APBB2: variants seen among roughly 807,000 people sequenced by gnomAD.
The protein encoded by APBB2 is Fe65-like 1.
A neutral mutation model predicts 82.5 loss-of-function variants in APBB2; 38 were observed. The observed-to-expected ratio is 0.46, with a 90% CI of 0.36 to 0.60. The LOEUF is 0.60. Among genes scored for constraint, APBB2 ranks in the 20% least tolerant of loss-of-function variants. APBB2 has a pLI of 0.00. For synonymous variants in APBB2, 341 were observed against 368.2 expected (o/e 0.93, Z 0.85); for missense variants, 772 against 972.3 (o/e 0.79, Z 2.74).
At chr4:40,824,194 CT>C (rs1749058944) in intron 15 of APBB2, among the ~76,000 whole-genome samples, 1 of 152,008 alleles carries the variant, frequency 6.6e-6, no homozygotes, top group South Asian at 2.1e-4. Flanking sequence ...AAATAACAGC[CT>C]TTTCAGTAGG....
intron 12 of APBB2, among the ~76,000 whole-genome samples, chr4:40,849,725 C>CTCTTT (rs1758707944): frequency 8.1e-6 from 1 of 123,252 alleles, no homozygotes; most frequent in African/African-American, 3.1e-5. Context: ...ACTAAAGTTA[C>CTCTTT]TTTTTTTTTT....
intron 10 of APBB2, among the ~76,000 whole-genome samples, chr4:40,920,670 G>A (rs1347425912): frequency 6.6e-6 from 1 of 152,164 alleles, no homozygotes; most frequent in Non-Finnish European, 1.5e-5. Context: ...TCAGTGGTTC[G>A]AGACCAGCCT....
chr4:40,838,136 CATTATTATTATTATTATT>C (rs68050698), intron 12 of APBB2, among the ~76,000 whole-genome samples: 126 of 142,192 alleles, frequency 8.9e-4, no homozygotes, highest in African/African-American at 3.0e-3. Context: ...TTCAAGTGGG[CATTATTATTATTATTATT>C]ATTATTATTA....
intron 3 of APBB2, among the ~76,000 whole-genome samples, chr4:41,100,323 T>C (rs1422129552): frequency 6.6e-6 from 1 of 152,244 alleles, no homozygotes; most frequent in East Asian, 1.9e-4. Flanking sequence ...CACTTTTCTG[T>C]CACATCATAT....
chr4:40,873,120 GGAT>G (rs1424352273), intron 12 of APBB2, among the ~76,000 whole-genome samples: 2 of 151,192 alleles, frequency 1.3e-5, no homozygotes, highest in Non-Finnish European at 2.9e-5. Flanking sequence ...TACCGTATAT[GGAT>G]GATGACAGCC....
intron 4 of APBB2, among the ~76,000 whole-genome samples, chr4:41,059,266 G>T (rs1342422415): frequency 6.6e-6 from 1 of 152,242 alleles, no homozygotes; most frequent in Non-Finnish European, 1.5e-5. Context: ...TTTGAGACCA[G>T]CCTGGCCAAC....
At chr4:40,917,058 C>T (rs184864842) in intron 10 of APBB2, among the ~76,000 whole-genome samples, 141 of 152,280 alleles carry the variant, frequency 9.3e-4, no homozygotes, top group African/African-American at 3.3e-3. Context: ...AGGGCGGCAA[C>T]TCCTGTGCTG....
At chr4:40,907,379 ATTTTTTTT>A (rs55814804) in intron 10 of APBB2, among the ~76,000 whole-genome samples, 33 of 37,366 alleles carry the variant, frequency 8.8e-4, no homozygotes, top group African/African-American at 2.2e-3. Flanking sequence ...ATATATATAT[ATTTTTTTT>A]TTTTTTTTTT....
chr4:40,919,837 C>A (rs1780797021), intron 10 of APBB2, among the ~76,000 whole-genome samples: 1 of 152,252 alleles, frequency 6.6e-6, no homozygotes, highest in African/African-American at 2.4e-5. Context: ...CCAGACTAGG[C>A]AATAGCGTCA....
intron 5 of APBB2, among the ~76,000 whole-genome samples, chr4:41,033,031 T>C (rs936291668): frequency 1.2e-4 from 18 of 151,986 alleles, no homozygotes; most frequent in African/African-American, 4.3e-4. Flanking sequence ...GATCCGCCGG[T>C]CTCGGCCTCC....
intron 2 of APBB2, among the ~76,000 whole-genome samples, chr4:41,142,401 G>A (rs962421886): frequency 4.6e-5 from 7 of 152,124 alleles, no homozygotes; most frequent in South Asian, 2.1e-4. Context: ...TTCCCCTGTC[G>A]TATATAAGTA....
intron 6 of APBB2, 106 bp downstream of exon 6, chr4:41,013,477 C>A: frequency 4.6e-6 from 5 of 1,075,820 alleles, no homozygotes; most frequent in Non-Finnish European, 6.8e-6. Flanking sequence ...GCTCACGTTC[C>A]TCTCTGCATA....
At chr4:41,104,170 C>G (rs1746363757) in intron 2 of APBB2, among the ~76,000 whole-genome samples, 1 of 152,130 alleles carries the variant, frequency 6.6e-6, no homozygotes, top group Non-Finnish European at 1.5e-5. Context: ...GGATAAACTT[C>G]CAGTTTGAGG....
chr4:41,008,054 A>G (rs1807276272), intron 6 of APBB2, among the ~76,000 whole-genome samples: 1 of 152,226 alleles, frequency 6.6e-6, no homozygotes, highest in African/African-American at 2.4e-5. Flanking sequence ...AGAGGAATGG[A>G]AAGATCCCCT....
At chr4:40,901,273 G>T (rs1578291781) in intron 10 of APBB2, among the ~76,000 whole-genome samples, 1 of 152,188 alleles carries the variant, frequency 6.6e-6, no homozygotes, top group African/African-American at 2.4e-5. Flanking sequence ...TGGCCCAAAG[G>T]AAATAGGTGA....
intron 1 of APBB2, among the ~76,000 whole-genome samples, chr4:41,213,858 G>A (rs1427594182): frequency 6.6e-6 from 1 of 152,220 alleles, no homozygotes. Flanking sequence ...AACCCCTCGT[G>A]GAGAAGCCAA....
intron 12 of APBB2, among the ~76,000 whole-genome samples, chr4:40,855,353 A>C (rs1760838694): frequency 6.6e-6 from 1 of 152,232 alleles, no homozygotes; most frequent in Admixed American, 6.5e-5. Context: ...ATACTTATTA[A>C]ATAAATTATC....
chr4:41,114,102 G>A (rs1560788058), intron 2 of APBB2: 2 of 152,274 alleles, frequency 1.3e-5, no homozygotes, highest in Non-Finnish European at 2.9e-5. Flanking sequence ...CAATCTGGCA[G>A]CACATCAAAA....
chr4:41,161,664 C>T (rs987018385), intron 1 of APBB2, among the ~76,000 whole-genome samples: 1 of 152,066 alleles, frequency 6.6e-6, no homozygotes, highest in South Asian at 2.1e-4. Context: ...ACAATGAGGA[C>T]CCCACACAGC....
Sources: gnomAD v4.1 joint callset for allele counts (sites outside exome capture counted in the v4.1 genomes callset) on GRCh38, gnomAD v4.1.1 for gene constraint, MANE v1.5 for transcripts, NCBI Gene and HGNC (gene_info 2026-07-23, HGNC 2026-07-21) for gene names.